CA10: variants seen among roughly 807,000 people sequenced by gnomAD.
CA10 encodes carbonic anhydrase 10 (inactive).
In CA10, 14 loss-of-function variants were observed where a neutral mutation model predicts 44.2. That is an observed-to-expected ratio of 0.32 (90% CI 0.21 to 0.50). The LOEUF is 0.50. Ranked by LOEUF, CA10 falls within the 20% of genes least tolerant of loss-of-function variation. The pLI is 0.99. For missense variants in CA10, 350 were observed against 409.7 expected (o/e 0.85, Z 1.26); for synonymous variants, 159 against 141.6 (o/e 1.12, Z -0.87).
intron 6 of CA10, among the ~76,000 whole-genome samples, chr17:51,643,973 G>C (rs191693202): frequency 6.6e-6 from 1 of 152,204 alleles, no homozygotes; most frequent in Non-Finnish European, 1.5e-5. Flanking sequence ...GGAAGTGGTA[G>C]AGCCAGGATA....
intron 4 of CA10, among the ~76,000 whole-genome samples, chr17:51,731,763 C>T (rs1916731978): frequency 6.6e-6 from 1 of 151,910 alleles, no homozygotes. Flanking sequence ...TTACAACCTC[C>T]ACCTCCTGGA....
chr17:52,097,025 A>G (rs1883470766), intron 1 of CA10, among the ~76,000 whole-genome samples: 1 of 152,114 alleles, frequency 6.6e-6, no homozygotes. Context: ...GATCCACCCC[A>G]CTTCTGCCAT....
intron 2 of CA10, among the ~76,000 whole-genome samples, chr17:52,001,831 G>T (rs778262131): frequency 2.6e-5 from 4 of 151,964 alleles, no homozygotes; most frequent in Non-Finnish European, 4.4e-5. Flanking sequence ...GTGTTTGGGA[G>T]ACAGCATTTA....
chr17:52,062,443 A>G (rs1371508510), intron 2 of CA10, among the ~76,000 whole-genome samples: 1 of 152,176 alleles, frequency 6.6e-6, no homozygotes, highest in East Asian at 1.9e-4. Flanking sequence ...AATGGATAAA[A>G]GGGAGTCAGG....
chr17:52,099,702 GT>G (rs1988491968), intron 1 of CA10, among the ~76,000 whole-genome samples: 2 of 152,220 alleles, frequency 1.3e-5, no homozygotes, highest in Admixed American at 6.5e-5. Context: ...TCAGCAGATG[GT>G]TCTTAAGGCA....
intron 4 of CA10, among the ~76,000 whole-genome samples, chr17:51,693,703 A>G (rs1196852694): frequency 6.6e-6 from 1 of 152,152 alleles, no homozygotes; most frequent in African/African-American, 2.4e-5. Flanking sequence ...GTAGCATTTC[A>G]TGGTGTATAT....
At chr17:51,704,335 C>T (rs757687394) in intron 4 of CA10, among the ~76,000 whole-genome samples, 1 of 152,176 alleles carries the variant, frequency 6.6e-6, no homozygotes, top group Non-Finnish European at 1.5e-5. Flanking sequence ...TAAAAGCACA[C>T]AATTGAAACA....
chr17:52,129,036 C>A (rs1305671315), intron 1 of CA10, among the ~76,000 whole-genome samples: 1 of 152,156 alleles, frequency 6.6e-6, no homozygotes, highest in African/African-American at 2.4e-5. Context: ...AACACTGTAA[C>A]AAGGACTATC....
rs994716998 is a variant in CA10, at chr17:51,703,855, G to T, written c.465+43778C>A. 2.6e-5 allele frequency among the ~76,000 whole-genome samples: 4 copies of T among 152,184 alleles called. No homozygotes were observed. In the South Asian group the frequency reaches 8.3e-4, roughly 32 times the overall value. On this transcript the variant is annotated intron_variant, in intron 4 of 8. Transcript: ENST00000451037. ...TAAGGAGTCAGTGCATGACCTAACC[G>T]GTCCCGGGCTGCTTGCCATTCCAAA...
intron 2 of CA10, among the ~76,000 whole-genome samples, chr17:52,060,236 A>G (rs1278857938): frequency 6.6e-6 from 1 of 152,188 alleles, no homozygotes; most frequent in Non-Finnish European, 1.5e-5. Flanking sequence ...TTTTATACAA[A>G]GTAGCTCACC....
chr17:51,754,696 T>C (rs1905025061), intron 3 of CA10, among the ~76,000 whole-genome samples: 1 of 151,848 alleles, frequency 6.6e-6, no homozygotes, highest in Middle Eastern at 3.4e-3. Flanking sequence ...TAAATGTTTA[T>C]CTCATCCATA....
chr17:51,747,462 T>C (rs968274301), intron 4 of CA10, among the ~76,000 whole-genome samples, 171 bp downstream of exon 4: 2 of 152,240 alleles, frequency 1.3e-5, no homozygotes, highest in Non-Finnish European at 2.9e-5. Flanking sequence ...AGAAGCTTGT[T>C]ATTGACTTCG....
chr17:52,120,424 A>T (rs1442743088), intron 1 of CA10, among the ~76,000 whole-genome samples: 1 of 50,732 alleles, frequency 2.0e-5, no homozygotes. Flanking sequence ...CCTTATCCTT[A>T]TCCTTATCCT....
At chr17:51,709,875 A>C (rs1453818519) in intron 4 of CA10, among the ~76,000 whole-genome samples, 1 of 152,232 alleles carries the variant, frequency 6.6e-6, no homozygotes, top group East Asian at 1.9e-4. Flanking sequence ...TGCTGCGTGC[A>C]GTGGCATTGT....
chr17:51,653,155 G>A (rs1370439879), intron 5 of CA10, among the ~76,000 whole-genome samples: 1 of 152,156 alleles, frequency 6.6e-6, no homozygotes. Context: ...GGGAGAGCGA[G>A]AGAGAAAGAT....
chr17:51,850,894 G>T (rs1351858851), intron 3 of CA10, among the ~76,000 whole-genome samples: 3 of 152,178 alleles, frequency 2.0e-5, no homozygotes, highest in South Asian at 2.1e-4. Context: ...GAATTCATGG[G>T]AGTGCAGGGA....
At chr17:52,015,336 G>A (rs1434611971) in intron 2 of CA10, among the ~76,000 whole-genome samples, 1 of 152,080 alleles carries the variant, frequency 6.6e-6, no homozygotes, top group Non-Finnish European at 1.5e-5. Flanking sequence ...GATGTTGTTA[G>A]TTTCCTCTTC....
intron 1 of CA10, among the ~76,000 whole-genome samples, chr17:52,105,035 A>T (rs1400588171): frequency 6.6e-6 from 1 of 152,074 alleles, no homozygotes; most frequent in Admixed American, 6.6e-5. Flanking sequence ...GCTTCCAGGG[A>T]TTCTGGTTCC....
At chr17:51,689,837 G>A (rs1915128410) in intron 4 of CA10, among the ~76,000 whole-genome samples, 1 of 152,118 alleles carries the variant, frequency 6.6e-6, no homozygotes, top group African/African-American at 2.4e-5. Context: ...TGTGTGCAAT[G>A]TGATAATGTT....
Sources: gnomAD v4.1 joint callset for allele counts (sites outside exome capture counted in the v4.1 genomes callset) on GRCh38, gnomAD v4.1.1 for gene constraint, MANE v1.5 for transcripts, NCBI Gene and HGNC (gene_info 2026-07-23, HGNC 2026-07-21) for gene names.